ZFAT: variants seen among roughly 807,000 people sequenced by gnomAD.
ZFAT encodes the protein zinc finger protein ZFAT.
ZFAT carries 64 observed loss-of-function variants against 117.7 expected under a neutral mutation model. The ratio of observed to expected loss-of-function variants is 0.54; its 90% CI spans 0.44 to 0.67. The LOEUF is 0.67. Among genes scored for constraint, ZFAT ranks in the 30% least tolerant of loss-of-function variants. The probability of loss-of-function intolerance (pLI) is 0.00; values close to 1 mark genes in which losing one functional copy is unlikely to be tolerated. For synonymous variants in ZFAT, 679 were observed against 615.0 expected (o/e 1.10, Z -1.54); for missense variants, 1,433 against 1,584.5 (o/e 0.90, Z 1.62).
At chr8:134,773,898 G>C in the ZFAT span, among the ~76,000 whole-genome samples, 1 of 151,680 alleles carries the variant, frequency 6.6e-6, no homozygotes, top group Non-Finnish European at 1.5e-5. Context: ...CTGGGAACAT[G>C]GTATGAACAT....
intron 11 of ZFAT, among the ~76,000 whole-genome samples, chr8:134,558,433 G>A (rs1823810148): frequency 6.6e-6 from 1 of 152,130 alleles, no homozygotes; most frequent in Non-Finnish European, 1.5e-5. Context: ...GCTCAAAAAG[G>A]TAAAGGAATT....
At chr8:134,660,770 C>G (rs1200477095) in intron 1 of ZFAT, among the ~76,000 whole-genome samples, 2 of 152,138 alleles carry the variant, frequency 1.3e-5, no homozygotes, top group Non-Finnish European at 2.9e-5. Flanking sequence ...TCTCCTAGTT[C>G]AAAGGTACAC....
chr8:134,596,659 CCAT>C (rs1322655761), intron 7 of ZFAT, among the ~76,000 whole-genome samples: 2 of 152,088 alleles, frequency 1.3e-5, no homozygotes, highest in East Asian at 3.9e-4. Context: ...TAAAAAAATG[CCAT>C]CAACTGATGA....
intron 1 of ZFAT, among the ~76,000 whole-genome samples, chr8:134,682,454 G>A (rs980273717): frequency 6.6e-5 from 10 of 152,048 alleles, no homozygotes; most frequent in African/African-American, 1.7e-4. Context: ...TCAGGAGTTC[G>A]AGACCACCTA....
At chr8:134,677,557 A>G (rs1377901957) in intron 1 of ZFAT, among the ~76,000 whole-genome samples, 1 of 152,212 alleles carries the variant, frequency 6.6e-6, no homozygotes, top group African/African-American at 2.4e-5. Flanking sequence ...TATTCCAAAC[A>G]ACAGAAAAAG....
intron 2 of ZFAT, among the ~76,000 whole-genome samples, chr8:134,650,798 C>A (rs1831190640): frequency 6.6e-6 from 1 of 152,178 alleles, no homozygotes; most frequent in Non-Finnish European, 1.5e-5. Context: ...CAAAACCTCT[C>A]AATGGGAAAA....
At chr8:134,568,057 G>A (rs916957906) in intron 10 of ZFAT, among the ~76,000 whole-genome samples, 19 of 152,210 alleles carry the variant, frequency 1.2e-4, no homozygotes, top group African/African-American at 4.1e-4. Flanking sequence ...CCCAGCACAT[G>A]AGTGCACACA....
chr8:134,498,344 T>C (rs1271187937), intron 15 of ZFAT, among the ~76,000 whole-genome samples: 3 of 137,414 alleles, frequency 2.2e-5, no homozygotes, highest in African/African-American at 2.8e-5. Context: ...GATGCCCCCG[T>C]TGCTGGTTAC....
chr8:134,702,111 G>A (rs1256480697), intron 1 of ZFAT, among the ~76,000 whole-genome samples: 1 of 152,168 alleles, frequency 6.6e-6, no homozygotes, highest in Non-Finnish European at 1.5e-5. Context: ...TCTTCAAAAA[G>A]TACCCACCCA....
chr8:134,508,717 T>C (rs1291625690), intron 15 of ZFAT, among the ~76,000 whole-genome samples: 2 of 152,230 alleles, frequency 1.3e-5, no homozygotes, highest in Non-Finnish European at 2.9e-5. Flanking sequence ...ACCACCATGA[T>C]GGCAGACACT....
chr8:134,694,135 C>A (rs1316473491), intron 1 of ZFAT, among the ~76,000 whole-genome samples: 3 of 152,144 alleles, frequency 2.0e-5, no homozygotes, highest in African/African-American at 7.2e-5. Context: ...AGACATGACG[C>A]TGGAACGCGG....
At chr8:134,823,969 TTAAAG>T in the ZFAT span, among the ~76,000 whole-genome samples, 2 of 152,268 alleles carry the variant, frequency 1.3e-5, no homozygotes, top group Non-Finnish European at 2.9e-5. Context: ...TTAGTGTTTA[TTAAAG>T]TAATTTTACT....
At chr8:134,648,955 C>G (rs1027314163) in intron 2 of ZFAT, among the ~76,000 whole-genome samples, 2 of 151,940 alleles carry the variant, frequency 1.3e-5, no homozygotes, top group Non-Finnish European at 2.9e-5. Flanking sequence ...CCAAAAGTTA[C>G]AAGGGTGATG....
the ZFAT span, among the ~76,000 whole-genome samples, chr8:134,730,139 A>G: frequency 2.0e-5 from 3 of 152,158 alleles, no homozygotes; most frequent in Non-Finnish European, 4.4e-5. Context: ...TGGCCCGGGA[A>G]TTTCTTGCTA....
intron 7 of ZFAT, chr8:134,599,040 C>T (rs1827191791): frequency 6.6e-6 from 1 of 152,298 alleles, no homozygotes; most frequent in East Asian, 1.9e-4. Flanking sequence ...TATGAGTTTC[C>T]AGCAAAATCA....
the ZFAT span, among the ~76,000 whole-genome samples, chr8:134,722,162 C>T: frequency 0.012 from 1,866 of 152,222 alleles, 19 homozygotes; most frequent in Non-Finnish European, 0.021. Context: ...AGAAAAAAAG[C>T]TCTGGAGCAA....
chr8:134,649,463 A>G (rs188564834), intron 2 of ZFAT, among the ~76,000 whole-genome samples: 1 of 152,368 alleles, frequency 6.6e-6, no homozygotes, highest in Admixed American at 6.5e-5. Flanking sequence ...GTTTTTTTAA[A>G]AAACTAATAA....
chr8:134,625,978 T>C (rs916672868), intron 3 of ZFAT, among the ~76,000 whole-genome samples: 2 of 152,178 alleles, frequency 1.3e-5, no homozygotes, highest in Non-Finnish European at 2.9e-5. Flanking sequence ...TCCCTTTGCC[T>C]CCAGACACCA....
intron 14 of ZFAT, 193 bp from the exon 15 acceptor site, chr8:134,509,942 A>T: frequency 3.0e-6 from 2 of 660,186 alleles, no homozygotes; most frequent in Non-Finnish European, 5.0e-6. Flanking sequence ...TTCTATAAGA[A>T]CATCTCAAAA....
Sources: allele counts gnomAD v4.1 joint callset (sites outside exome capture counted in the v4.1 genomes callset), GRCh38; gene constraint gnomAD v4.1.1; transcripts MANE v1.5; gene names NCBI Gene and HGNC (gene_info 2026-07-23, HGNC 2026-07-21).